Variants in KPNA4 observed in about 807,000 individuals in gnomAD.
The protein encoded by KPNA4 is karyopherin subunit alpha 4, also known as importin subunit alpha-3.
A neutral mutation model predicts 71.3 loss-of-function variants in KPNA4; 13 were observed. That is an observed-to-expected ratio of 0.18 (90% confidence interval 0.12 to 0.29). The LOEUF is 0.29. Among genes scored for constraint, KPNA4 ranks in the 10% least tolerant of loss-of-function variants. The probability of loss-of-function intolerance (pLI) is 1.00; values close to 1 mark genes in which losing one functional copy is unlikely to be tolerated. For synonymous variants in KPNA4, 189 were observed against 195.2 expected, an observed-to-expected ratio of 0.97 and a Z score of 0.26; for missense variants, 334 against 603.2, an observed-to-expected ratio of 0.55 and a Z score of 4.67.
chr3:160,504,771 A>G (rs1025991347), intron 16 of KPNA4, among the ~76,000 whole-genome samples, 187 bp downstream of exon 16: 3 of 152,214 alleles, frequency 2.0e-5, no homozygotes, highest in Admixed American at 2.0e-4. Context: ...TAGAGCTAAT[A>G]TGCCCTGAAG....
chr3:160,554,171 G>A (rs979332062), intron 1 of KPNA4, among the ~76,000 whole-genome samples: 41 of 152,156 alleles, frequency 2.7e-4, no homozygotes, highest in South Asian at 2.1e-4. Context: ...CATCTCTTAC[G>A]TTTTCTATTG....
At chr3:160,528,105 T>A (rs1721497020) in intron 7 of KPNA4, 66 bp from the exon 8 acceptor site, 1 of 1,267,374 alleles carries the variant, frequency 7.9e-7, no homozygotes, top group Non-Finnish European at 1.1e-6. Context: ...CAATCTTTAT[T>A]TTTTTGCTGA....
At chr3:160,557,308 C>A (rs1722157300) in intron 1 of KPNA4, among the ~76,000 whole-genome samples, 2 of 152,060 alleles carry the variant, frequency 1.3e-5, no homozygotes, top group Non-Finnish European at 2.9e-5. Flanking sequence ...TAAAACTACT[C>A]AACTAAATAA....
chr3:160,523,733 C>T (rs1721404925), intron 10 of KPNA4, among the ~76,000 whole-genome samples: 1 of 152,070 alleles, frequency 6.6e-6, no homozygotes, highest in South Asian at 2.1e-4. Context: ...CATCTGTAAA[C>T]CCAGCTACTC....
At chr3:160,515,283 AATT>A in intron 12 of KPNA4, 166 bp downstream of exon 12, 1 of 730,056 alleles carries the variant, frequency 1.4e-6, no homozygotes, top group East Asian at 2.9e-5. Context: ...TGTATGAAAA[AATT>A]ATTAATGCTT....
intron 16 of KPNA4, among the ~76,000 whole-genome samples, 194 bp downstream of exon 16, chr3:160,504,764 A>G (rs1720950215): frequency 6.6e-6 from 1 of 152,206 alleles, no homozygotes; most frequent in African/African-American, 2.4e-5. Flanking sequence ...TTGCCATTAG[A>G]GCTAATATGC....
intron 7 of KPNA4, among the ~76,000 whole-genome samples, chr3:160,530,083 C>T (rs1010198944): frequency 7.1e-5 from 10 of 141,070 alleles, no homozygotes; most frequent in East Asian, 2.1e-4. Flanking sequence ...TGCAGTGAGC[C>T]GAGATCGCAT....
rs184390670 is a variant in KPNA4, at chr3:160,535,017, C to T, written c.287+496G>A. On this transcript the variant is annotated intron_variant, in intron 5 of 16. Transcript: ENST00000334256. Reference sequence around the variant, plus strand: ...GATTACAGGTGTGAGCCACCTCGCCCGGCCGTCATTAATCTTAATCTACAT... The same window carrying T: ...GATTACAGGTGTGAGCCACCTCGCCTGGCCGTCATTAATCTTAATCTACAT... Among the ~76,000 whole-genome samples, 37 of 151,926 alleles carry T rather than the reference C, an allele frequency of 2.4e-4. 1 individual carries two copies. The highest frequency in any genetic ancestry group is 4.8e-4 in the African/African-American group (20 of 41,402).
chr3:160,533,753 T>C (rs1346176857), intron 5 of KPNA4, among the ~76,000 whole-genome samples: 2 of 152,208 alleles, frequency 1.3e-5, no homozygotes, highest in Non-Finnish European at 2.9e-5. Flanking sequence ...AATGAAGTCT[T>C]AGAATTATTT....
chr3:160,507,328 G>A (rs987874545), intron 15 of KPNA4, among the ~76,000 whole-genome samples: 3 of 151,834 alleles, frequency 2.0e-5, no homozygotes, highest in South Asian at 2.1e-4. Context: ...ATGAAACCCC[G>A]TCTCTACTAA....
intron 11 of KPNA4, among the ~76,000 whole-genome samples, chr3:160,521,218 G>A (rs1312197444): frequency 1.3e-5 from 2 of 152,134 alleles, no homozygotes; most frequent in African/African-American, 4.8e-5. Flanking sequence ...ACAAAAAGAA[G>A]AGGAGTAGGA....
intron 10 of KPNA4, among the ~76,000 whole-genome samples, chr3:160,523,422 A>T (rs981830859): frequency 6.6e-6 from 1 of 152,236 alleles, no homozygotes; most frequent in Non-Finnish European, 1.5e-5. Context: ...AGAGAAAATA[A>T]AAAAATAAGA....
chr3:160,554,308 A>G (rs1258908513), intron 1 of KPNA4, among the ~76,000 whole-genome samples: 2 of 152,080 alleles, frequency 1.3e-5, no homozygotes, highest in East Asian at 3.8e-4. Flanking sequence ...CCACTATCTA[A>G]CTCCAGATGA....
At chr3:160,518,151 G>T in intron 11 of KPNA4, among the ~76,000 whole-genome samples, 1 of 146,776 alleles carries the variant, frequency 6.8e-6, no homozygotes. Context: ...TTTTTGAGAC[G>T]GAGTCTCGCT....
intron 11 of KPNA4, 122 bp downstream of exon 11, chr3:160,521,657 T>C (rs1721351717): frequency 2.3e-6 from 2 of 888,414 alleles, no homozygotes; most frequent in Non-Finnish European, 1.7e-6. Context: ...CCCCTTTCCA[T>C]CACAGATTTG....
chr3:160,538,433 G>A (rs1721733386), intron 1 of KPNA4, among the ~76,000 whole-genome samples: 1 of 151,942 alleles, frequency 6.6e-6, no homozygotes, highest in African/African-American at 2.4e-5. Flanking sequence ...ATTGAGTGAA[G>A]GAAACACTGC....
At chr3:160,507,474 T>C (rs1426696927) in intron 15 of KPNA4, among the ~76,000 whole-genome samples, 3 of 125,578 alleles carry the variant, frequency 2.4e-5, no homozygotes, top group Non-Finnish European at 4.7e-5. Flanking sequence ...CACTCCAGCC[T>C]GGGCAACAGA....
rs946976968 is a variant in KPNA4, at chr3:160,535,811, T to C, written c.201A>G (p.Arg67=). The change falls in exon 3 of 17, where the codon AGA becomes AGG. Residue 67 remains arginine, a synonymous_variant. Coordinates refer to ENST00000334256, the MANE Select transcript of KPNA4 (RefSeq NM_002268.5). ...CEDSDIDGDY[R]VQNTSLEAIV... is the part of the protein sequence containing the mutation. ...AATAACAATAACAATGACTTACCACTCTATAATCACCATCTATATCAGAGT... is the reference window on the plus strand; with the variant it reads ...AATAACAATAACAATGACTTACCACCCTATAATCACCATCTATATCAGAGT... 1 of 1,534,338 alleles carries C rather than the reference T, an allele frequency of 6.5e-7. No homozygotes were observed. Among genetic ancestry groups the C allele is most frequent in the Non-Finnish European group, 8.7e-7 (1 of 1,151,092 alleles).
chr3:160,541,360 G>T lies in KPNA4; in HGVS notation c.70-4520C>A, dbSNP rs139838168. Reference sequence around the variant, plus strand: ...GAAAATTCTTTCTAAATAATACAAAGATAAGAAATACAATGTCTTCATTTT... The same window carrying T: ...GAAAATTCTTTCTAAATAATACAAATATAAGAAATACAATGTCTTCATTTT... On this transcript the variant is annotated intron_variant, in intron 1 of 16. Coordinates refer to ENST00000334256, the MANE Select transcript of KPNA4 (RefSeq NM_002268.5). Among the ~76,000 whole-genome samples, 661 of 151,748 alleles carry T rather than the reference G, an allele frequency of 4.4e-3. 7 individuals are homozygous for T. The highest frequency in any genetic ancestry group is 0.015 in the African/African-American group (640 of 41,376).
Sources: allele counts gnomAD v4.1 joint callset (sites outside exome capture counted in the v4.1 genomes callset), GRCh38; gene constraint gnomAD v4.1.1; transcripts MANE v1.5; gene names NCBI Gene and HGNC (gene_info 2026-07-23, HGNC 2026-07-21).